The following GPRC5A variants were observed in gnomAD, a reference collection of about 807,000 sequenced individuals.
GPRC5A encodes G protein-coupled receptor class C group 5 member A, also known as retinoic acid-induced protein 3.
In GPRC5A, 19 loss-of-function variants were observed where a neutral mutation model predicts 22.5. The observed-to-expected ratio is 0.85, with a 90% confidence interval of 0.59 to 1.24. The LOEUF is 1.24. Ranked by LOEUF, GPRC5A falls within the 50% of genes most tolerant of loss-of-function variation. GPRC5A has a pLI of 0.00. For synonymous variants in GPRC5A, 192 were observed against 184.5 expected (o/e 1.04, Z -0.33); for missense variants, 471 against 451.1 (o/e 1.04, Z -0.40).
Position 12,908,543 on chromosome 12 carries a change from C to T in GPRC5A, c.294C>T (p.Phe98=). 1 of 1,614,206 alleles carries T rather than the reference C, an allele frequency of 6.2e-7. No homozygotes were observed. Among genetic ancestry groups the T allele is most frequent in the Non-Finnish European group, 8.5e-7 (1 of 1,180,046 alleles). The part of the protein sequence containing the change: ...GLDGSTGPTR[F]FLFGILFSIC... ...ACGGGAGCACAGGGCCCACACGCTT[C>T]TTCCTCTTTGGGATCCTCTTTTCCA... Residue 98 remains phenylalanine (F), a synonymous_variant, in exon 2 of 4, where the codon TTC becomes TTT. Transcript: ENST00000014914.
chr12:12,895,706 G>A (rs1025122949), intron 1 of GPRC5A, among the ~76,000 whole-genome samples: 5 of 150,858 alleles, frequency 3.3e-5, no homozygotes, highest in African/African-American at 1.2e-4. Flanking sequence ...GGGCCGGCGC[G>A]GTGGCTCACA....
chr12:12,893,583 T>C (rs1050287584), intron 1 of GPRC5A, among the ~76,000 whole-genome samples: 3 of 152,224 alleles, frequency 2.0e-5, no homozygotes, highest in African/African-American at 2.4e-5. Flanking sequence ...TCCAGATTTG[T>C]CTTTGTATTC....
intron 1 of GPRC5A, among the ~76,000 whole-genome samples, chr12:12,900,909 AAAAAC>A (rs1565463564): frequency 2.8e-4 from 34 of 121,884 alleles, no homozygotes; most frequent in South Asian, 9.8e-4. Flanking sequence ...AAAAAAAAAA[AAAAAC>A]AAAAAAAAAA....
rs1864053620 is a variant in GPRC5A at position 12,915,432 on chromosome 12, A to G, written c.*2893A>G. Reference sequence around the variant, plus strand: ...GTTGCCCAGGCTGGTCTTGAACTCGAGATTCTCCTGCTTTGGCCTCCCACA... The same window carrying G: ...GTTGCCCAGGCTGGTCTTGAACTCGGGATTCTCCTGCTTTGGCCTCCCACA... On this transcript the variant is annotated 3_prime_UTR_variant, in exon 4 of 4. Coordinates refer to ENST00000014914, the MANE Select transcript of GPRC5A (RefSeq NM_003979.4). 6.6e-6 allele frequency: 1 copy of G among 152,398 alleles called. No homozygotes were observed. The highest frequency in any genetic ancestry group is 1.9e-4 in the East Asian group (1 of 5,172). The allele number at this position is 152,398 out of a possible 1,614,324, so 9.4% of individuals were successfully genotyped here. A position where few individuals can be genotyped will look rare whatever the true frequency, so the allele number is the denominator to read the frequency against.
At position 12,914,811 on chromosome 12, in the gene GPRC5A, G is replaced by A. The variant is rs186649626; in HGVS notation, c.*2272G>A. On this transcript the variant is annotated 3_prime_UTR_variant, in exon 4 of 4. Coordinates refer to ENST00000014914, the MANE Select transcript of GPRC5A (RefSeq NM_003979.4). ...ATTTTTGTATTTTTAGTACAGACGAGGTTTCACCATGTTGACCAGGCTGGT... is the reference window on the plus strand; with the variant it reads ...ATTTTTGTATTTTTAGTACAGACGAAGTTTCACCATGTTGACCAGGCTGGT... The A allele has an allele frequency of 4.6e-5, 7 of 151,724 alleles. No individual in the cohort carries two copies. In the East Asian group the frequency reaches 1.4e-3, roughly 30 times the overall value. The allele number at this position is 151,724 out of a possible 1,614,324, so 9.4% of individuals were successfully genotyped here.
rs761861834 is a variant in GPRC5A at position 12,908,704 on chromosome 12, A to G, written c.455A>G (p.Tyr152Cys). 13 of 1,613,928 alleles carry G rather than the reference A, an allele frequency of 8.1e-6. No homozygotes were observed. In the African/African-American group the frequency reaches 1.5e-4, roughly 18 times the overall value. ...SLVQDVIAIE[Y>C]IVLTMNRTNV... ...GTCCAGGATGTTATCGCTATTGAATATATTGTCCTGACCATGAATAGGACC... is the reference window on the plus strand; with the variant it reads ...GTCCAGGATGTTATCGCTATTGAATGTATTGTCCTGACCATGAATAGGACC... The change falls in exon 2 of 4, where the codon TAT (tyrosine) becomes TGT (cysteine). Residue 152 changes from tyrosine to cysteine, a missense_variant. Physicochemically the swap from Tyr to Cys is radical, Grantham distance 194. Transcript: ENST00000014914.
rs1293766986 is a variant in GPRC5A at position 12,914,517 on chromosome 12, T to C, written c.*1978T>C. 6.7e-6 allele frequency: 1 copy of C among 148,476 alleles called. No homozygotes were observed. Among genetic ancestry groups the C allele is most frequent in the Non-Finnish European group, 1.5e-5 (1 of 66,932 alleles). The allele number at this position is 148,476 out of a possible 1,614,324, so 9.2% of individuals were successfully genotyped here. On this transcript the variant is annotated 3_prime_UTR_variant, in exon 4 of 4. Transcript: ENST00000014914. ...CAAGAAATGCATATTCCCCCCCCAC[T>C]TTCTTTCTCTCTTTCCTTCCTTCCT...
rs1273679972 is a variant in GPRC5A at position 12,916,323 on chromosome 12, G to C, written c.*3784G>C. Reference sequence around the variant, plus strand: ...AACAGCCTTTCTCTCATCTTGCATTGTGAGATGCGAAATAGAGCGTGTCTC... The same window carrying C: ...AACAGCCTTTCTCTCATCTTGCATTCTGAGATGCGAAATAGAGCGTGTCTC... On this transcript the variant is annotated 3_prime_UTR_variant, in exon 4 of 4. Coordinates refer to ENST00000014914, the MANE Select transcript of GPRC5A (RefSeq NM_003979.4). 1 of 152,370 alleles carries C rather than the reference G, an allele frequency of 6.6e-6. No homozygotes were observed. The highest frequency in any genetic ancestry group is 2.4e-5 in the African/African-American group (1 of 41,466). 9.4% of individuals were successfully genotyped at this position (152,370 alleles called of 1,614,324 possible). A position where few individuals can be genotyped will look rare whatever the true frequency, so the allele number is the denominator to read the frequency against.
intron 1 of GPRC5A, among the ~76,000 whole-genome samples, chr12:12,895,385 T>TTC: frequency 6.6e-6 from 1 of 152,114 alleles, no homozygotes; most frequent in South Asian, 2.1e-4. Context: ...TTTTTTTTTT[T>TTC]CAAAATAGTT....
At chr12:12,897,645 G>A (rs189337528) in intron 1 of GPRC5A, among the ~76,000 whole-genome samples, 159 of 141,634 alleles carry the variant, frequency 1.1e-3, no homozygotes, top group Non-Finnish European at 1.8e-3. Flanking sequence ...GTCTCACTCT[G>A]TTGCCTAGGC....
chr12:12,892,061 G>C (rs1215295519), intron 1 of GPRC5A: 1 of 152,374 alleles, frequency 6.6e-6, no homozygotes, highest in African/African-American at 2.4e-5. Context: ...AGTGGAGGGG[G>C]AGTGGGAAAC....
intron 1 of GPRC5A, among the ~76,000 whole-genome samples, chr12:12,904,769 T>A (rs1863923838): frequency 6.6e-6 from 1 of 152,110 alleles, no homozygotes; most frequent in African/African-American, 2.4e-5. Context: ...ATCATACATA[T>A]GTATGTATAT....
intron 1 of GPRC5A, among the ~76,000 whole-genome samples, chr12:12,897,428 C>A (rs1863833984): frequency 6.6e-6 from 1 of 151,540 alleles, no homozygotes; most frequent in Admixed American, 6.6e-5. Context: ...TTAAATGAAC[C>A]CAAATTCCCT....
rs1437363336 is a variant in GPRC5A, at chr12:12,908,251, TG to T, written c.4del (p.Ala2?). Reference protein sequence around the residue: MATTVPDGCRN... With the variant: XATTVPDGCRN... The stretch of plus-strand genomic sequence containing the variant: ...ACATTCCTTTTCTGCAGGTCCAGAA[TG>T]GCTACAACAGTCCCTGATGGTTGCC... On this transcript the variant is annotated frameshift_variant and start_lost, in exon 2 of 4. Coordinates refer to ENST00000014914, the MANE Select transcript of GPRC5A (RefSeq NM_003979.4). LOFTEE classifies it high-confidence loss of function. 2 of 1,563,312 alleles carry T rather than the reference TG, an allele frequency of 1.3e-6. No homozygotes were observed. Among genetic ancestry groups the T allele is most frequent in the Non-Finnish European group, 1.7e-6 (2 of 1,153,900 alleles).
At chr12:12,894,833 C>T (rs1767535720) in intron 1 of GPRC5A, among the ~76,000 whole-genome samples, 1 of 118,878 alleles carries the variant, frequency 8.4e-6, no homozygotes, top group Non-Finnish European at 1.6e-5. Flanking sequence ...GGCTGGGGTG[C>T]AGTGGTGCGA....
At chr12:12,893,429 G>A (rs1396686285) in intron 1 of GPRC5A, among the ~76,000 whole-genome samples, 1 of 152,176 alleles carries the variant, frequency 6.6e-6, no homozygotes, top group African/African-American at 2.4e-5. Flanking sequence ...TTAATATGGT[G>A]GTATAGTAAA....
intron 1 of GPRC5A, among the ~76,000 whole-genome samples, chr12:12,907,977 G>T (rs1474975889): frequency 6.6e-6 from 1 of 152,186 alleles, no homozygotes; most frequent in Non-Finnish European, 1.5e-5. Context: ...AGAGTGTTAG[G>T]TTCTCTGGCT....
chr12:12,911,773 C>T (rs1055692335), intron 2 of GPRC5A, among the ~76,000 whole-genome samples: 7 of 152,186 alleles, frequency 4.6e-5, no homozygotes, highest in African/African-American at 1.7e-4. Flanking sequence ...CAGGCGTGAG[C>T]CACCATGCCC....
chr12:12,914,166 A>G lies in GPRC5A; in HGVS notation c.*1627A>G, dbSNP rs1446230042. ...TCCCTCTACATAGAAACTGAGTGAC[A>G]TGTAAAAATGTGTAGCTAAGTCAGG... On this transcript the variant is annotated 3_prime_UTR_variant, in exon 4 of 4. Coordinates refer to ENST00000014914, the MANE Select transcript of GPRC5A (RefSeq NM_003979.4). The G allele has an allele frequency of 6.6e-6, 1 of 152,552 alleles. No homozygotes were observed. The highest frequency in any genetic ancestry group is 2.4e-5 in the African/African-American group (1 of 41,456). 9.4% of individuals were successfully genotyped at this position (152,552 alleles called of 1,614,324 possible).
Sources: gnomAD v4.1 joint callset for allele counts (sites outside exome capture counted in the v4.1 genomes callset) on GRCh38, gnomAD v4.1.1 for gene constraint, MANE v1.5 for transcripts, NCBI Gene and HGNC (gene_info 2026-07-23, HGNC 2026-07-21) for gene names.